ZNF714: variants seen among roughly 807,000 people sequenced by gnomAD.
The protein encoded by ZNF714 is zinc finger protein 714.
A neutral mutation model predicts 46.2 loss-of-function variants in ZNF714; 32 were observed. The observed-to-expected ratio is 0.69, with a 90% confidence interval of 0.52 to 0.93. The LOEUF is 0.93. Among genes scored for constraint, ZNF714 ranks in the 40% least tolerant of loss-of-function variants. The pLI, the probability that ZNF714 is intolerant of heterozygous loss-of-function variation, is 0.00. For missense variants in ZNF714, 635 were observed against 646.3 expected (o/e 0.98, Z 0.19); for synonymous variants, 199 against 213.1 (o/e 0.93, Z 0.58).
intron 4 of ZNF714, among the ~76,000 whole-genome samples, chr19:21,112,126 C>T (rs188094337): frequency 6.6e-6 from 1 of 151,942 alleles, no homozygotes; most frequent in African/African-American, 2.4e-5. Flanking sequence ...AAGGAGAGGC[C>T]CCTCCTTTTC....
rs541076750 is a variant in ZNF714 at position 21,104,668 on chromosome 19, T to A, written c.142+5758T>A. Among the ~76,000 whole-genome samples, 8 of 152,038 alleles carry A rather than the reference T, an allele frequency of 5.3e-5. 1 individual carries two copies. The East Asian group carries it at 1.5e-3, about 29-fold the overall frequency. On this transcript the variant is annotated intron_variant, in intron 4 of 4. Transcript: ENST00000456283. ...CTTACTGTTATCACCCAGGCTGGAG[T>A]ACAATGGTGCAATGGCTCACTGCAA... is the stretch of plus-strand genomic sequence containing the variant.
Position 21,094,244 on chromosome 19 carries a change from G to T in ZNF714, c.-84-3941G>T, listed in dbSNP as rs541615907. On this transcript the variant is annotated intron_variant, in intron 2 of 4. Coordinates refer to ENST00000456283, the MANE Select transcript of ZNF714 (RefSeq NM_182515.4). Reference sequence around the variant, plus strand: ...GACCTCAGGTGATCCACCAGCCTCAGCCTCCCAAAGTGCTGGGATTACTGG... The same window carrying T: ...GACCTCAGGTGATCCACCAGCCTCATCCTCCCAAAGTGCTGGGATTACTGG... 1.2e-3 allele frequency among the ~76,000 whole-genome samples: 178 copies of T among 152,354 alleles called. 1 individual carries two copies. In the South Asian group the frequency reaches 0.013, roughly 11 times the overall value.
intron 2 of ZNF714, among the ~76,000 whole-genome samples, chr19:21,097,840 G>A (rs2144841562): frequency 6.6e-6 from 1 of 150,774 alleles, no homozygotes; most frequent in African/African-American, 2.4e-5. Flanking sequence ...AAATTTGAGA[G>A]GTACCATCTA....
intron 4 of ZNF714, among the ~76,000 whole-genome samples, chr19:21,108,002 C>A (rs1969363117): frequency 6.6e-6 from 1 of 152,162 alleles, no homozygotes; most frequent in Admixed American, 6.5e-5. Flanking sequence ...TGACTCACTG[C>A]AACCTCAGCC....
In ZNF714 at chr19:21,120,041, T is replaced by C. The variant is rs1969680919; in HGVS notation, c.*1709T>C. The stretch of plus-strand genomic sequence containing the variant: ...TCAAAGATATGAAAGATTCTTTCTT[T>C]GTTTTGTTCTGTTTTTTTGAGATGG... On this transcript the variant is annotated 3_prime_UTR_variant, in exon 5 of 5. Coordinates refer to ENST00000456283, the MANE Select transcript of ZNF714 (RefSeq NM_182515.4). The C allele has an allele frequency of 6.6e-6, 1 of 152,200 alleles. No individual in the cohort carries two copies. The highest frequency in any genetic ancestry group is 2.4e-5 in the African/African-American group (1 of 41,436). 9.4% of individuals were successfully genotyped at this position (152,200 alleles called of 1,614,324 possible).
At chr19:21,089,326 T>C (rs1308172189) in intron 2 of ZNF714, among the ~76,000 whole-genome samples, 1 of 152,230 alleles carries the variant, frequency 6.6e-6, no homozygotes. Flanking sequence ...TTAACCATAG[T>C]GCTCTTTTAA....
Position 21,118,331 on chromosome 19 carries a change from A to C in ZNF714, c.1667A>C (p.Ter556SerextTer59). ...GCTGGGTGTGGTGGCAGGCGCCTGT[A>C]ATCCCAGCTACTTGGGAGGCAGAGG... ...KFAGCGGRRL[*>S] Residue 556 changes from the stop codon to serine (S), a stop_lost, in exon 5 of 5, where the codon TAA becomes TCA. Transcript: ENST00000456283. 1 of 772,502 alleles carries C rather than the reference A, an allele frequency of 1.3e-6. No individual in the cohort carries two copies. The highest frequency in any genetic ancestry group is 2.7e-5 in the East Asian group (1 of 37,038). The allele number at this position is 772,502 out of a possible 1,614,324, so 47.9% of individuals were successfully genotyped here. A position where few individuals can be genotyped will look rare whatever the true frequency, so the allele number is the denominator to read the frequency against.
chr19:21,084,955 G>A (rs1310660151), intron 2 of ZNF714, among the ~76,000 whole-genome samples: 1 of 151,978 alleles, frequency 6.6e-6, no homozygotes, highest in Admixed American at 6.6e-5. Context: ...TAAAAGAGAT[G>A]GGTTTTAGAA....
Position 21,117,457 on chromosome 19 carries a change from G to A in ZNF714, c.793G>A (p.Ala265Thr), listed in dbSNP as rs370476056. Residue 265 changes from alanine to threonine, a missense_variant, in exon 5 of 5, where the codon GCT becomes ACT. Transcript: ENST00000456283. ...KPFKCEECGKAFNHPSALTTH... is the reference protein window; with the variant it reads ...KPFKCEECGKTFNHPSALTTH... ...CTTCAAATGTGAAGAATGTGGTAAA[G>A]CTTTTAACCACCCTTCAGCCCTTAC... is the stretch of plus-strand genomic sequence containing the variant. The A allele has an allele frequency of 1.2e-5, 19 of 1,611,930 alleles. No homozygotes were observed. The highest frequency in any genetic ancestry group is 1.7e-4 in the Middle Eastern group (1 of 6,052).
chr19:21,114,405 G>A (rs867102006), intron 4 of ZNF714, among the ~76,000 whole-genome samples: 4 of 128,576 alleles, frequency 3.1e-5, no homozygotes, highest in Non-Finnish European at 6.2e-5. Flanking sequence ...CACTGCACTC[G>A]AACCTAGGTG....
chr19:21,103,257 T>TA (rs1451359488), intron 4 of ZNF714, among the ~76,000 whole-genome samples: 4 of 151,914 alleles, frequency 2.6e-5, no homozygotes, highest in African/African-American at 9.7e-5. Context: ...GTAATTGTTG[T>TA]AAAAACACAT....
Position 21,120,878 on chromosome 19 carries a change from A to T in ZNF714, c.*2546A>T, listed in dbSNP as rs1348876248. The T allele has an allele frequency of 2.6e-5, 4 of 152,176 alleles. No homozygotes were observed. The East Asian group carries it at 7.7e-4, about 29-fold the overall frequency. The allele number at this position is 152,176 out of a possible 1,614,324, so 9.4% of individuals were successfully genotyped here. A position where few individuals can be genotyped will look rare whatever the true frequency, so the allele number is the denominator to read the frequency against. ...TAAATTTAATTTTGGTGGGTACATA[A>T]TATGAGTATATATTTATGCACTTAT... On this transcript the variant is annotated 3_prime_UTR_variant, in exon 5 of 5. Coordinates refer to ENST00000456283, the MANE Select transcript of ZNF714 (RefSeq NM_182515.4).
At chr19:21,103,734 A>C (rs551898827) in intron 4 of ZNF714, among the ~76,000 whole-genome samples, 1 of 152,160 alleles carries the variant, frequency 6.6e-6, no homozygotes, top group Non-Finnish European at 1.5e-5. Context: ...CCTCTCTACA[A>C]AAATTTTTTA....
intron 2 of ZNF714, among the ~76,000 whole-genome samples, chr19:21,090,250 AG>A (rs1267440637): frequency 6.6e-6 from 1 of 152,208 alleles, no homozygotes; most frequent in Non-Finnish European, 1.5e-5. Flanking sequence ...AGGTTGGGGA[AG>A]GCAAAGAGCT....
At chr19:21,103,756 C>A (rs1969243698) in intron 4 of ZNF714, among the ~76,000 whole-genome samples, 1 of 151,838 alleles carries the variant, frequency 6.6e-6, no homozygotes, top group South Asian at 2.1e-4. Context: ...AATATCCAGG[C>A]ATGTTAGTGT....
At chr19:21,105,075 G>A (rs1387324204) in intron 4 of ZNF714, among the ~76,000 whole-genome samples, 1 of 145,826 alleles carries the variant, frequency 6.9e-6, no homozygotes, top group Non-Finnish European at 1.5e-5. Context: ...CCCAGACTGG[G>A]GTGCAATCGT....
At position 21,105,083 on chromosome 19, in the gene ZNF714, C is replaced by T. The variant is rs1469784420; in HGVS notation, c.142+6173C>T. The stretch of plus-strand genomic sequence containing the variant: ...TCTGTCTCCCAGACTGGGGTGCAAT[C>T]GTGTGATCTTGGCTCACTGCAAACT... On this transcript the variant is annotated intron_variant, in intron 4 of 4. Transcript: ENST00000456283. 4.6e-5 allele frequency among the ~76,000 whole-genome samples: 6 copies of T among 131,484 alleles called. No homozygotes were observed. In the South Asian group the frequency reaches 7.0e-4, roughly 15 times the overall value. 86.3% of individuals were successfully genotyped at this position (131,484 alleles called of 152,430 possible). A position where few individuals can be genotyped will look rare whatever the true frequency, so the allele number is the denominator to read the frequency against.
chr19:21,118,590 A>G lies in ZNF714; in HGVS notation c.*258A>G. 1 of 285,734 alleles carries G rather than the reference A, an allele frequency of 3.5e-6. No individual in the cohort carries two copies. Among genetic ancestry groups the G allele is most frequent in the Non-Finnish European group, 6.9e-6 (1 of 145,504 alleles). 17.7% of individuals were successfully genotyped at this position (285,734 alleles called of 1,614,324 possible). ...ACTGGAGAGAAATTCTACAAATGTG[A>G]AGAATATGGCAAAGCCTTTAACCAG... is the stretch of plus-strand genomic sequence containing the variant. On this transcript the variant is annotated 3_prime_UTR_variant, in exon 5 of 5. Coordinates refer to ENST00000456283, the MANE Select transcript of ZNF714 (RefSeq NM_182515.4).
Position 21,117,523 on chromosome 19 carries a change from T to C in ZNF714, c.859T>C (p.Cys287Arg). The change falls in exon 5 of 5, where the codon TGT (cysteine) becomes CGT (arginine). Residue 287 changes from cysteine to arginine, a missense_variant. Coordinates refer to ENST00000456283, the MANE Select transcript of ZNF714 (RefSeq NM_182515.4). ...TCATGTTAAAGAAAAACCCTACAAA[T>C]GTGAAGAATGTGACAAAGCTTTTAA... ...FIHVKEKPYKCEECDKAFNRF... is the reference protein window; with the variant it reads ...FIHVKEKPYKREECDKAFNRF... 1 of 1,606,844 alleles carries C rather than the reference T, an allele frequency of 6.2e-7. No individual in the cohort carries two copies. The highest frequency in any genetic ancestry group is 8.5e-7 in the Non-Finnish European group (1 of 1,176,058).
Sources: gnomAD v4.1 joint callset for allele counts (sites outside exome capture counted in the v4.1 genomes callset) on GRCh38, gnomAD v4.1.1 for gene constraint, MANE v1.5 for transcripts, NCBI Gene and HGNC (gene_info 2026-07-23, HGNC 2026-07-21) for gene names.